The following KANSL1L variants were observed in gnomAD, a reference collection of about 807,000 sequenced individuals.
KANSL1L encodes KAT8 regulatory NSL complex subunit 1 like.
In KANSL1L, 25 loss-of-function variants were observed where a neutral mutation model predicts 108.6. The observed-to-expected ratio is 0.23, with a 90% CI of 0.17 to 0.32. The LOEUF (loss-of-function observed/expected upper bound fraction) is 0.32, where lower values mean the gene tolerates loss of function less well. Among genes scored for constraint, KANSL1L ranks in the 10% least tolerant of loss-of-function variants. The probability of loss-of-function intolerance (pLI) is 1.00; values close to 1 mark genes in which losing one functional copy is unlikely to be tolerated. For missense variants in KANSL1L, 1,137 were observed against 1,125.7 expected, an observed-to-expected ratio of 1.01 and a Z score of -0.14; for synonymous variants, 405 against 395.1, an observed-to-expected ratio of 1.03 and a Z score of -0.30.
chr2:210,037,502 C>T (rs570348187), intron 8 of KANSL1L, among the ~76,000 whole-genome samples: 2 of 152,220 alleles, frequency 1.3e-5, no homozygotes, highest in African/African-American at 4.8e-5. Flanking sequence ...TTAGGCTTTT[C>T]CCCCTAAGCA....
intron 5 of KANSL1L, among the ~76,000 whole-genome samples, chr2:210,081,938 G>T (rs1331499388): frequency 1.3e-5 from 2 of 152,128 alleles, no homozygotes; most frequent in Non-Finnish European, 2.9e-5. Context: ...CAAAGTTAGG[G>T]TTTTTTGTTT....
Position 210,028,897 on chromosome 2 carries a change from CTAA to C in KANSL1L, c.2341_2343del (p.Leu781del). The C allele has an allele frequency of 6.2e-7, 1 of 1,603,288 alleles. No homozygotes were observed. Among genetic ancestry groups the C allele is most frequent in the Non-Finnish European group, 8.5e-7 (1 of 1,170,994 alleles). On this transcript the variant is annotated inframe_deletion, in exon 11 of 15. Coordinates refer to ENST00000281772, the MANE Select transcript of KANSL1L (RefSeq NM_152519.4). ...AGTTTCTCTAATTTAGCTGGGGCTA[CTAA>C]TGACATGGGAATCACAATGTTATCT...
At chr2:210,038,545 T>A (rs1198529415) in intron 8 of KANSL1L, among the ~76,000 whole-genome samples, 1 of 152,034 alleles carries the variant, frequency 6.6e-6, no homozygotes, top group African/African-American at 2.4e-5. Context: ...TCAGTTAATA[T>A]TATTTTCATT....
intron 1 of KANSL1L, among the ~76,000 whole-genome samples, chr2:210,164,786 G>A (rs2095378101): frequency 6.6e-6 from 1 of 150,490 alleles, no homozygotes; most frequent in Non-Finnish European, 1.5e-5. Context: ...TCTGTCAATA[G>A]GTAACAGTTC....
Position 210,022,478 on chromosome 2 carries a change from GGTGTGTGT to G in KANSL1L, c.*463_*470del, listed in dbSNP as rs149558434. 6.4e-6 allele frequency: 1 copy of G among 157,268 alleles called. No individual in the cohort carries two copies. Among genetic ancestry groups the G allele is most frequent in the East Asian group, 1.9e-4 (1 of 5,390 alleles). 9.7% of individuals were successfully genotyped at this position (157,268 alleles called of 1,614,324 possible). The stretch of plus-strand genomic sequence containing the variant: ...GCCAGTGTTTTAAAAACTACATAGG[GGTGTGTGT>G]GTGTGTGTATGTTTATTTTATACAC... On this transcript the variant is annotated 3_prime_UTR_variant, in exon 15 of 15. Transcript: ENST00000281772.
At chr2:210,107,254 C>T (rs907437438) in intron 3 of KANSL1L, among the ~76,000 whole-genome samples, 5 of 151,848 alleles carry the variant, frequency 3.3e-5, no homozygotes, top group African/African-American at 1.2e-4. Context: ...AAATTTAAAA[C>T]ACACAAAAGG....
At chr2:210,151,839 G>C (rs2095306069) in intron 2 of KANSL1L, 1 of 152,110 alleles carries the variant, frequency 6.6e-6, no homozygotes, top group Non-Finnish European at 1.5e-5. Context: ...AACACTAGAA[G>C]ACCCGAATGC....
At chr2:210,167,493 T>C (rs1001312714) in intron 1 of KANSL1L, among the ~76,000 whole-genome samples, 5 of 152,030 alleles carry the variant, frequency 3.3e-5, no homozygotes, top group African/African-American at 1.2e-4. Context: ...TTTTTTTCTG[T>C]GTATATCGAT....
chr2:210,125,381 T>C (rs1269613072), intron 3 of KANSL1L, among the ~76,000 whole-genome samples: 1 of 152,206 alleles, frequency 6.6e-6, no homozygotes, highest in Admixed American at 6.5e-5. Flanking sequence ...TGAATTCTAC[T>C]AAATTTTTAA....
At chr2:210,150,782 TAAAAAAA>T (rs762951836) in intron 2 of KANSL1L, among the ~76,000 whole-genome samples, 1 of 116,436 alleles carries the variant, frequency 8.6e-6, no homozygotes, top group Non-Finnish European at 1.8e-5. Context: ...AACTCCATCT[TAAAAAAA>T]AAAAAAAAGA....
chr2:210,111,152 GA>G (rs982779953), intron 3 of KANSL1L, among the ~76,000 whole-genome samples: 130 of 142,000 alleles, frequency 9.2e-4, no homozygotes, highest in African/African-American at 2.3e-3. Flanking sequence ...TGTGGACTCT[GA>G]AAAAAAAAAA....
intron 2 of KANSL1L, among the ~76,000 whole-genome samples, chr2:210,151,159 G>A (rs756041983): frequency 6.6e-6 from 1 of 152,040 alleles, no homozygotes; most frequent in Non-Finnish European, 1.5e-5. Context: ...GGGACTACAG[G>A]TGCACACCAC....
intron 4 of KANSL1L, among the ~76,000 whole-genome samples, chr2:210,102,418 T>A (rs905609326): frequency 6.6e-6 from 1 of 152,184 alleles, no homozygotes; most frequent in African/African-American, 2.4e-5. Context: ...AAGGACTTCA[T>A]GTCTAAAACA....
chr2:210,166,763 A>G (rs750557302), intron 1 of KANSL1L, among the ~76,000 whole-genome samples: 4 of 152,092 alleles, frequency 2.6e-5, no homozygotes, highest in Non-Finnish European at 5.9e-5. Context: ...AAATAAAGTG[A>G]AAAGACTACC....
In KANSL1L at chr2:210,153,456, A is replaced by G. The variant is rs1404337592; in HGVS notation, c.1088+39T>C. The G allele has an allele frequency of 3.9e-6, 6 of 1,529,382 alleles. No homozygotes were observed. The African/African-American group carries it at 6.8e-5, about 17-fold the overall frequency. The allele number at this position is 1,529,382 out of a possible 1,614,324, so 94.7% of individuals were successfully genotyped here. On this transcript the variant is annotated intron_variant, in intron 2 of 14. Coordinates refer to ENST00000281772, the MANE Select transcript of KANSL1L (RefSeq NM_152519.4). Reference sequence around the variant, plus strand: ...GAAACTAAGATAATTGCTGCTATATATGGAACAGAAAATAGTCTAATAATA... The same window carrying G: ...GAAACTAAGATAATTGCTGCTATATGTGGAACAGAAAATAGTCTAATAATA...
chr2:210,130,993 C>A (rs908661094), intron 2 of KANSL1L, among the ~76,000 whole-genome samples: 3 of 152,024 alleles, frequency 2.0e-5, no homozygotes, highest in Non-Finnish European at 4.4e-5. Context: ...ATTTCACGTA[C>A]CGCCCTACAC....
At chr2:210,063,243 A>C (rs2094437115) in intron 6 of KANSL1L, among the ~76,000 whole-genome samples, 1 of 152,228 alleles carries the variant, frequency 6.6e-6, no homozygotes, top group African/African-American at 2.4e-5. Context: ...ACCTCTGTCT[A>C]GATTTCAGAA....
intron 6 of KANSL1L, among the ~76,000 whole-genome samples, chr2:210,060,559 C>A (rs1286820505): frequency 6.6e-6 from 1 of 152,112 alleles, no homozygotes; most frequent in Admixed American, 6.5e-5. Context: ...AATAATGTGA[C>A]CATTTTGAAT....
intron 8 of KANSL1L, among the ~76,000 whole-genome samples, chr2:210,036,344 C>G (rs556672793): frequency 4.5e-4 from 68 of 151,714 alleles, no homozygotes; most frequent in African/African-American, 1.6e-3. Flanking sequence ...ACCATGCCTG[C>G]CTAATTTTTA....
Sources: allele counts gnomAD v4.1 joint callset (sites outside exome capture counted in the v4.1 genomes callset), GRCh38; gene constraint gnomAD v4.1.1; transcripts MANE v1.5; gene names NCBI Gene and HGNC (gene_info 2026-07-23, HGNC 2026-07-21).